Variants in SIK2 observed in about 807,000 individuals in gnomAD.
SIK2 encodes serine/threonine-protein kinase SIK2.
In SIK2, 29 loss-of-function variants were observed where a neutral mutation model predicts 103.2. The observed-to-expected ratio is 0.28, with a 90% CI of 0.21 to 0.38. The LOEUF is 0.38. Ranked by LOEUF, SIK2 falls within the 10% of genes least tolerant of loss-of-function variation. SIK2 has a pLI of 1.00. For synonymous variants in SIK2, 412 were observed against 446.1 expected (o/e 0.92, Z 0.96); for missense variants, 879 against 1,171.0 (o/e 0.75, Z 3.64).
At chr11:111,723,164 G>A (rs962349140) in intron 14 of SIK2, among the ~76,000 whole-genome samples, 3 of 152,134 alleles carry the variant, frequency 2.0e-5, no homozygotes, top group Non-Finnish European at 4.4e-5. Flanking sequence ...TCCATCAACT[G>A]CAGACACCTG....
intron 1 of SIK2, among the ~76,000 whole-genome samples, chr11:111,610,553 A>C (rs568411442): frequency 1.3e-5 from 2 of 150,084 alleles, no homozygotes; most frequent in East Asian, 4.0e-4. Flanking sequence ...TCATCAGTTT[A>C]ACACTTTTTA....
chr11:111,651,887 T>C (rs991969735), intron 3 of SIK2, among the ~76,000 whole-genome samples: 4 of 152,252 alleles, frequency 2.6e-5, no homozygotes, highest in Non-Finnish European at 4.4e-5. Context: ...TATAGCTTTT[T>C]TCTTGGTGAG....
rs118108539 is a variant in SIK2 at position 111,709,458 on chromosome 11, G to A, written c.1102-2753G>A. 7.5e-3 allele frequency among the ~76,000 whole-genome samples: 1,136 copies of A among 152,314 alleles called. 8 individuals carry two copies. The highest frequency in any genetic ancestry group is 0.061 in the Middle Eastern group (18 of 294). The stretch of plus-strand genomic sequence containing the variant: ...CAACGATTTTCCCATAGGAAAGAAC[G>A]TTATTTTCATTTTAATGGTTCTGGA... On this transcript the variant is annotated intron_variant, in intron 8 of 14. Transcript: ENST00000304987.
intron 1 of SIK2, among the ~76,000 whole-genome samples, chr11:111,608,987 CATT>C (rs756547578): frequency 3.1e-4 from 32 of 104,636 alleles, no homozygotes; most frequent in Non-Finnish European, 5.7e-4. Flanking sequence ...TAATATTCTT[CATT>C]ACTTTTAAAT....
Position 111,713,318 on chromosome 11 carries a change from A to C in SIK2, c.1266+943A>C, listed in dbSNP as rs1401188561. Among the ~76,000 whole-genome samples the C allele has an allele frequency of 2.0e-5, 3 of 152,246 alleles. No homozygotes were observed. In the East Asian group the frequency reaches 5.8e-4, roughly 29 times the overall value. ...TAGCATAAGCGATGTATAGAAGATC[A>C]TAATAATGGGTAGTAGAGTGTCATA... On this transcript the variant is annotated intron_variant, in intron 9 of 14. Transcript: ENST00000304987.
intron 10 of SIK2, among the ~76,000 whole-genome samples, 174 bp from the exon 11 acceptor site, chr11:111,720,304 C>T (rs2135970162): frequency 6.6e-6 from 1 of 152,204 alleles, no homozygotes; most frequent in Middle Eastern, 3.4e-3. Flanking sequence ...GGAGTGTTTT[C>T]CCCACTAAAC....
At chr11:111,672,102 C>A in intron 3 of SIK2, 1 of 479,400 alleles carries the variant, frequency 2.1e-6, no homozygotes, top group Non-Finnish European at 4.0e-6. Context: ...GGGTCTTGAT[C>A]TGCTCCTTCT....
At chr11:111,644,335 T>C (rs17473411) in intron 3 of SIK2, among the ~76,000 whole-genome samples, 16,984 of 145,712 alleles carry the variant, frequency 0.12, 1,239 homozygotes, top group Non-Finnish European at 0.18. Context: ...GAAAGAGAAA[T>C]CCGAAATCCT....
At chr11:111,681,206 C>T (rs911858854) in intron 3 of SIK2, among the ~76,000 whole-genome samples, 3 of 152,164 alleles carry the variant, frequency 2.0e-5, no homozygotes, top group South Asian at 2.1e-4. Flanking sequence ...GGTATTAAAC[C>T]TAAGATTTTA....
At chr11:111,620,582 T>C (rs1344614048) in intron 3 of SIK2, among the ~76,000 whole-genome samples, 180 bp downstream of exon 3, 1 of 152,192 alleles carries the variant, frequency 6.6e-6, no homozygotes, top group Non-Finnish European at 1.5e-5. Context: ...CTTGTATTTA[T>C]TATATTAAAG....
chr11:111,720,108 T>C (rs1943757797), intron 10 of SIK2, 105 bp downstream of exon 10: 5 of 1,102,790 alleles, frequency 4.5e-6, no homozygotes, highest in Admixed American at 4.0e-5. Flanking sequence ...ATTGAGTCGA[T>C]AGCTTATTCC....
chr11:111,666,616 A>G (rs1214262599), intron 3 of SIK2, among the ~76,000 whole-genome samples: 2 of 152,186 alleles, frequency 1.3e-5, no homozygotes, highest in Non-Finnish European at 2.9e-5. Context: ...AGACACTTAA[A>G]TTTTCATTGT....
At chr11:111,703,081 C>T in intron 6 of SIK2, 122 bp from the exon 7 acceptor site, 1 of 780,538 alleles carries the variant, frequency 1.3e-6, no homozygotes, top group South Asian at 1.8e-5. Context: ...TTCATTTGAC[C>T]TTCTGCTTTC....
chr11:111,724,409 A>G lies in SIK2; in HGVS notation c.*280A>G, dbSNP rs2135982390. ...CAAGCTCTCGAGGGCAGCACTGACAAATGTGTTCCTAAGAAGACATTCAGA... is the reference window on the plus strand; with the variant it reads ...CAAGCTCTCGAGGGCAGCACTGACAGATGTGTTCCTAAGAAGACATTCAGA... On this transcript the variant is annotated 3_prime_UTR_variant, in exon 15 of 15. Transcript: ENST00000304987. 2.2e-6 allele frequency: 1 copy of G among 452,812 alleles called. No individual in the cohort carries two copies. The highest frequency in any genetic ancestry group is 4.0e-5 in the East Asian group (1 of 25,040). The allele number at this position is 452,812 out of a possible 1,614,324, so 28.0% of individuals were successfully genotyped here. A position where few individuals can be genotyped will look rare whatever the true frequency, so the allele number is the denominator to read the frequency against.
intron 3 of SIK2, among the ~76,000 whole-genome samples, chr11:111,632,094 A>G (rs1333113809): frequency 3.3e-5 from 5 of 152,202 alleles, no homozygotes; most frequent in African/African-American, 1.2e-4. Context: ...TGTCAGGAGG[A>G]AAAAGGAACA....
intron 3 of SIK2, among the ~76,000 whole-genome samples, chr11:111,641,361 C>T (rs559944079): frequency 2.0e-5 from 3 of 152,176 alleles, no homozygotes; most frequent in Non-Finnish European, 4.4e-5. Context: ...ACATTACCTT[C>T]TTCTCCTCCT....
chr11:111,628,416 A>ATCTTTCTTTCTTTCTTTCTT (rs112377118), intron 3 of SIK2, among the ~76,000 whole-genome samples: 9,929 of 125,650 alleles, frequency 0.079, 1,053 homozygotes, highest in Middle Eastern at 0.15. Flanking sequence ...CCGCTTTCAT[A>ATCTTTCTTTCTTTCTTTCTT]TCTTTCTTTC....
At position 111,726,100 on chromosome 11, in the gene SIK2, T is replaced by C. The variant is rs1417226809; in HGVS notation, c.*1971T>C. 2 of 152,224 alleles carry C rather than the reference T, an allele frequency of 1.3e-5. No individual in the cohort carries two copies. The highest frequency in any genetic ancestry group is 2.9e-5 in the Non-Finnish European group (2 of 68,030). 9.4% of individuals were successfully genotyped at this position (152,224 alleles called of 1,614,324 possible). ...TAATCTGTTTTGAGTCTTTACAAAA[T>C]AGCCAGTTATAAAATGGGGCTTGAT... On this transcript the variant is annotated 3_prime_UTR_variant, in exon 15 of 15. Transcript: ENST00000304987.
At chr11:111,669,897 T>C (rs1304732860) in intron 3 of SIK2, among the ~76,000 whole-genome samples, 1 of 152,192 alleles carries the variant, frequency 6.6e-6, no homozygotes, top group Non-Finnish European at 1.5e-5. Context: ...TTTTCTACCT[T>C]TTTTAATACT....
Sources: allele counts gnomAD v4.1 joint callset (sites outside exome capture counted in the v4.1 genomes callset), GRCh38; gene constraint gnomAD v4.1.1; transcripts MANE v1.5; gene names NCBI Gene and HGNC (gene_info 2026-07-23, HGNC 2026-07-21).